NUMA1: variants seen among roughly 807,000 people sequenced by gnomAD.
NUMA1 encodes nuclear mitotic apparatus protein 1.
NUMA1 carries 62 observed loss-of-function variants against 237.1 expected under a neutral mutation model. That is an observed-to-expected ratio of 0.26 (90% CI 0.21 to 0.32). The LOEUF (loss-of-function observed/expected upper bound fraction) is 0.32. NUMA1 is among the 10% of genes least tolerant of loss of function. NUMA1 has a pLI of 1.00. For synonymous variants in NUMA1, 1,028 were observed against 1,066.1 expected (o/e 0.96, Z 0.70); for missense variants, 2,533 against 2,666.5 (o/e 0.95, Z 1.10).
At position 72,073,048 on chromosome 11, in the gene NUMA1, C is replaced by CAAAAAA. The variant is rs71052849; in HGVS notation, c.-102-3143_-102-3138dup. Among the ~76,000 whole-genome samples, 43 of 38,968 alleles carry CAAAAAA rather than the reference C, an allele frequency of 1.1e-3. 12 individuals carry two copies. Among genetic ancestry groups the CAAAAAA allele is most frequent in the Non-Finnish European group, 1.5e-3 (36 of 23,952 alleles). 25.6% of individuals were successfully genotyped at this position (38,968 alleles called of 152,430 possible). On this transcript the variant is annotated intron_variant, in intron 1 of 26. Coordinates refer to ENST00000393695, the MANE Select transcript of NUMA1 (RefSeq NM_006185.4). ...GGTGACACAGAGCGAGACTCCGTCT[C>CAAAAAA]AAAAAAAAAAAAAAAAAAAAGCTGC...
rs567193569 is a variant in NUMA1 at position 72,018,811 on chromosome 11, C to G, written c.742+12G>C. The G allele has an allele frequency of 6.2e-7, 1 of 1,604,638 alleles. No individual in the cohort carries two copies. Among genetic ancestry groups the G allele is most frequent in the South Asian group, 1.1e-5 (1 of 90,780 alleles). ...GTCTATTCACACATCTGCCAGTGTGCCAGCCACCTACCCTTCTCGGTGAGG... is the reference window on the plus strand; with the variant it reads ...GTCTATTCACACATCTGCCAGTGTGGCAGCCACCTACCCTTCTCGGTGAGG... On this transcript the variant is annotated intron_variant, in intron 10 of 26. Coordinates refer to ENST00000393695, the MANE Select transcript of NUMA1 (RefSeq NM_006185.4).
At position 72,016,160 on chromosome 11, in the gene NUMA1, G is replaced by A. The variant is rs1424406039; in HGVS notation, c.1343C>T (p.Ala448Val). ...MLETERGQQE[A>V]KLLAERGHFE... ...GTGGCCCCGCTCAGCAAGCAGCTTGGCTTCCTGCTGGCCTCGCTCAGTCTC... is the reference window on the plus strand; with the variant it reads ...GTGGCCCCGCTCAGCAAGCAGCTTGACTTCCTGCTGGCCTCGCTCAGTCTC... Residue 448 changes from alanine (A) to valine (V), a missense_variant, in exon 15 of 27, where the codon GCC becomes GTC. Transcript: ENST00000393695. The A allele has an allele frequency of 1.2e-6, 2 of 1,613,894 alleles. No homozygotes were observed. The highest frequency in any genetic ancestry group is 1.7e-6 in the Non-Finnish European group (2 of 1,179,928).
intron 2 of NUMA1, among the ~76,000 whole-genome samples, chr11:72,057,285 A>C (rs995737700): frequency 1.3e-5 from 2 of 152,200 alleles, no homozygotes; most frequent in Non-Finnish European, 2.9e-5. Flanking sequence ...GATAACTACA[A>C]TTACAAAGCT....
At position 72,014,526 on chromosome 11, in the gene NUMA1, C is replaced by G; in HGVS notation, c.2977G>C (p.Gly993Arg). Residue 993 changes from glycine (G) to arginine (R), a missense_variant, in exon 15 of 27, where the codon GGG (glycine) becomes CGG (arginine). Physicochemically the swap from Gly to Arg is moderately radical, Grantham distance 125. Transcript: ENST00000393695. This position sits in a 1 kb window ranked among gnomAD's most constrained non-coding sequence, Gnocchi z 4.6. The stretch of plus-strand genomic sequence containing the variant: ...TGCCCACGCTCCTCCTGCTGCTGCC[C>G]CTGGCTCTCCATCAGCGCGGCCCGC... Reference protein sequence around the residue: ...RLRAALMESQGQQQEERGQQE... With the variant: ...RLRAALMESQRQQQEERGQQE... 4 of 1,602,028 alleles carry G rather than the reference C, an allele frequency of 2.5e-6. No individual in the cohort carries two copies. Among genetic ancestry groups the G allele is most frequent in the Non-Finnish European group, 3.4e-6 (4 of 1,179,888 alleles).
chr11:72,029,245 G>A lies in NUMA1; in HGVS notation c.88C>T (p.Leu30Phe). 3.1e-6 allele frequency: 5 copies of A among 1,610,722 alleles called. No homozygotes were observed. Among genetic ancestry groups the A allele is most frequent in the Non-Finnish European group, 3.4e-6 (4 of 1,179,556 alleles). ...TTGATGAAGATGCTGCAGTCCTGGA[G>A]CTGCAGCACAGCCTCCACAGGGTCA... ...VADPVEAVLQLQDCSIFIKII... is the reference protein window; with the variant it reads ...VADPVEAVLQFQDCSIFIKII... The change falls in exon 4 of 27, where the codon CTC becomes TTC. Residue 30 changes from leucine to phenylalanine, a missense_variant. Coordinates refer to ENST00000393695, the MANE Select transcript of NUMA1 (RefSeq NM_006185.4).
intron 2 of NUMA1, chr11:72,065,127 A>G (rs1482238679): frequency 6.6e-6 from 1 of 152,168 alleles, no homozygotes; most frequent in East Asian, 1.9e-4. Flanking sequence ...TTACTTTCAT[A>G]TTGTTTAATC....
At position 72,014,040 on chromosome 11, in the gene NUMA1, C is replaced by T. The variant is rs1209941858; in HGVS notation, c.3463G>A (p.Ala1155Thr). Reference sequence around the variant, plus strand: ...GCACTGTCCCGCTCAGCCCGGGAGGCCCGCTCAGCCTCGAGGCTGCGTTCC... The same window carrying T: ...GCACTGTCCCGCTCAGCCCGGGAGGTCCGCTCAGCCTCGAGGCTGCGTTCC... ...SLERSLEAER[A>T]SRAERDSALE... Residue 1155 changes from alanine to threonine, a missense_variant, in exon 15 of 27, where the codon GCC becomes ACC. Transcript: ENST00000393695. The surrounding 1 kb of genome is among the most constrained non-coding windows in gnomAD (Gnocchi z 4.6). 2.5e-6 allele frequency: 4 copies of T among 1,611,116 alleles called. No homozygotes were observed. Among genetic ancestry groups the T allele is most frequent in the Non-Finnish European group, 2.5e-6 (3 of 1,180,006 alleles).
At chr11:72,008,548 A>G (rs1955914070) in intron 20 of NUMA1, 140 bp downstream of exon 20, 3 of 942,602 alleles carry the variant, frequency 3.2e-6, no homozygotes, top group East Asian at 2.6e-5. Flanking sequence ...CCCTAAATAG[A>G]TATCTGGTAT....
At chr11:72,036,846 C>T (rs1409506710) in intron 2 of NUMA1, among the ~76,000 whole-genome samples, 3 of 152,198 alleles carry the variant, frequency 2.0e-5, no homozygotes, top group South Asian at 2.1e-4. Flanking sequence ...TATTCACCAA[C>T]ACCTCCTAGC....
intron 2 of NUMA1, among the ~76,000 whole-genome samples, chr11:72,056,635 TAAAAAAAAAAA>T (rs59248999): frequency 1.3e-5 from 1 of 76,006 alleles, no homozygotes; most frequent in Non-Finnish European, 2.4e-5. Context: ...CCCATCTCTT[TAAAAAAAAAAA>T]AAAAAAAAAA....
Position 72,014,850 on chromosome 11 carries a change from G to T in NUMA1, c.2653C>A (p.Leu885Ile). 4 of 1,614,220 alleles carry T rather than the reference G, an allele frequency of 2.5e-6. No individual in the cohort carries two copies. Among genetic ancestry groups the T allele is most frequent in the Non-Finnish European group, 3.4e-6 (4 of 1,180,038 alleles). The change falls in exon 15 of 27, where the codon CTC becomes ATC. Residue 885 changes from leucine to isoleucine, a missense_variant. Around this residue, in one of 3 missense-constraint regions of NUMA1, gnomAD observed 1,414 missense variants for 1,508.1 expected, o/e 0.94. Transcript: ENST00000393695. This position sits in a 1 kb window ranked among gnomAD's most constrained non-coding sequence, Gnocchi z 4.6. ...ACTTCCTTCTCTTGGACCTGCTGGA[G>T]TGCTCTGGCCAGGTTGGCATGGAGC... Reference protein sequence around the residue: ...AELHANLARALQQVQEKEVRA... With the variant: ...AELHANLARAIQQVQEKEVRA...
chr11:72,016,804 C>T, intron 13 of NUMA1: 1 of 395,872 alleles, frequency 2.5e-6, no homozygotes, highest in South Asian at 3.0e-5. Context: ...TACCGTATAC[C>T]CTTCCTCAGA....
chr11:72,057,739 G>A (rs2511074), intron 2 of NUMA1, among the ~76,000 whole-genome samples: 133,820 of 150,112 alleles, frequency 0.89, 59,806 homozygotes, highest in Non-Finnish European at 0.95. Context: ...GCGAGACACC[G>A]TCTCAAAAAA....
chr11:72,018,833 G>C lies in NUMA1; in HGVS notation c.732C>G (p.Leu244=). The C allele has an allele frequency of 6.2e-7, 1 of 1,610,120 alleles. No individual in the cohort carries two copies. Among genetic ancestry groups the C allele is most frequent in the Non-Finnish European group, 8.5e-7 (1 of 1,179,778 alleles). ...ELELAENRKL[L]TEKDAQIAMM... ...GTGCCAGCCACCTACCCTTCTCGGT[G>C]AGGAGCTTGCGGTTCTCAGCTAGCT... The change falls in exon 10 of 27, where the codon CTC becomes CTG. Residue 244 remains leucine (L), a synonymous_variant. Coordinates refer to ENST00000393695, the MANE Select transcript of NUMA1 (RefSeq NM_006185.4).
rs371974605 is a variant in NUMA1 at position 72,015,719 on chromosome 11, G to A, written c.1784C>T (p.Ser595Phe). The change falls in exon 15 of 27, where the codon TCC becomes TTC. Residue 595 changes from serine to phenylalanine, a missense_variant. Coordinates refer to ENST00000393695, the MANE Select transcript of NUMA1 (RefSeq NM_006185.4). This position sits in a 1 kb window ranked among gnomAD's most constrained non-coding sequence, Gnocchi z 4.0. ...GAGAGCCGCATCCCGCTCCCTTAAGGAGGCCTCTCGCTCCTCTGCAGCAGT... is the reference window on the plus strand; with the variant it reads ...GAGAGCCGCATCCCGCTCCCTTAAGAAGGCCTCTCGCTCCTCTGCAGCAGT... ...LATAAEEREASLRERDAALKQ... is the reference protein window; with the variant it reads ...LATAAEEREAFLRERDAALKQ... 27 of 1,614,018 alleles carry A rather than the reference G, an allele frequency of 1.7e-5. No homozygotes were observed. The highest frequency in any genetic ancestry group is 2.3e-5 in the Non-Finnish European group (27 of 1,180,048).
At position 72,013,705 on chromosome 11, in the gene NUMA1, C is replaced by T; in HGVS notation, c.3798G>A (p.Glu1266=). ...MAESEKSQKL[E]ERLRLLQAET... ...CTGCCTGCAGCAGGCGCAGCCTCTCCTCCAGCTTCTGGCTCTTCTCTGACT... is the reference window on the plus strand; with the variant it reads ...CTGCCTGCAGCAGGCGCAGCCTCTCTTCCAGCTTCTGGCTCTTCTCTGACT... Residue 1266 remains glutamate, a synonymous_variant, in exon 15 of 27, where the codon GAG becomes GAA. Transcript: ENST00000393695. The surrounding 1 kb of genome is among the most constrained non-coding windows in gnomAD (Gnocchi z 6.8). 1 of 1,609,662 alleles carries T rather than the reference C, an allele frequency of 6.2e-7. No individual in the cohort carries two copies. Among genetic ancestry groups the T allele is most frequent in the South Asian group, 1.1e-5 (1 of 91,084 alleles).
chr11:72,008,598 A>G, intron 20 of NUMA1, 90 bp downstream of exon 20: 1 of 1,374,678 alleles, frequency 7.3e-7, no homozygotes, highest in Non-Finnish European at 1.0e-6. Context: ...GAATAAATTT[A>G]GATCACATCT....
At chr11:72,033,955 CAA>C (rs1002101633) in intron 3 of NUMA1, among the ~76,000 whole-genome samples, 2 of 152,080 alleles carry the variant, frequency 1.3e-5, no homozygotes, top group African/African-American at 2.4e-5. Context: ...CCCATCTCTA[CAA>C]AAAGTTTTTT....
At chr11:72,078,487 T>A (rs1943820721) in intron 1 of NUMA1, among the ~76,000 whole-genome samples, 1 of 152,260 alleles carries the variant, frequency 6.6e-6, no homozygotes, top group African/African-American at 2.4e-5. Context: ...TTCAGCCACC[T>A]GAGCAGGGCT....
Sources: allele counts gnomAD v4.1 joint callset (sites outside exome capture counted in the v4.1 genomes callset), GRCh38; gene constraint gnomAD v4.1.1; regional missense constraint gnomAD v4.1.1; non-coding constraint Gnocchi (gnomAD v3.1); transcripts MANE v1.5; gene names NCBI Gene and HGNC (gene_info 2026-07-23, HGNC 2026-07-21).